FBP2: variants seen among roughly 807,000 people sequenced by gnomAD.
The protein encoded by FBP2 is fructose-1,6-bisphosphatase isozyme 2.
Under a neutral mutation model 31.6 loss-of-function variants are expected in FBP2, and 27 were observed. The observed-to-expected ratio is 0.85, with a 90% CI of 0.63 to 1.18. FBP2 has a LOEUF of 1.18. FBP2 is among the 50% of genes most tolerant of loss of function. The pLI is 0.00. For synonymous variants in FBP2, 168 were observed against 179.8 expected (o/e 0.93, Z 0.53); for missense variants, 421 against 436.1 (o/e 0.97, Z 0.31).
rs1168565864 is a variant in FBP2 at position 94,588,010 on chromosome 9, G to A, written c.171-541C>T. Among the ~76,000 whole-genome samples, 17 of 152,066 alleles carry A rather than the reference G, an allele frequency of 1.1e-4. No individual in the cohort carries two copies. In the East Asian group the frequency reaches 3.1e-3, roughly 28 times the overall value. ...ACTACAGGCGCCCGCCACCACGCCC[G>A]GCTAATTTTTTTCTGTATTTTTAGT... On this transcript the variant is annotated intron_variant, in intron 1 of 6. Transcript: ENST00000375337.
chr9:94,578,415 T>G (rs1478124950), intron 3 of FBP2, among the ~76,000 whole-genome samples: 1 of 152,170 alleles, frequency 6.6e-6, no homozygotes, highest in African/African-American at 2.4e-5. Context: ...CTAGATAAAC[T>G]TAAAGATTAA....
At chr9:94,581,302 CAG>C (rs1827370392) in intron 3 of FBP2, among the ~76,000 whole-genome samples, 1 of 152,170 alleles carries the variant, frequency 6.6e-6, no homozygotes, top group African/African-American at 2.4e-5. Flanking sequence ...AGGACGGACA[CAG>C]AGAGGCTTCA....
intron 6 of FBP2, among the ~76,000 whole-genome samples, 189 bp downstream of exon 6, chr9:94,563,153 C>T (rs545147202): frequency 4.6e-5 from 7 of 152,286 alleles, no homozygotes; most frequent in African/African-American, 1.2e-4. Context: ...GTCAGCCTGT[C>T]GCCTTCTTCT....
Position 94,573,093 on chromosome 9 carries a change from A to G in FBP2, c.427-1491T>C, listed in dbSNP as rs1031172580. ...TCCTTGCCTTATTGTGCTGGCTACA[A>G]CTTTCAGGATTACATATGTTGGGTA... is the stretch of plus-strand genomic sequence containing the variant. On this transcript the variant is annotated intron_variant, in intron 3 of 6. Coordinates refer to ENST00000375337, the MANE Select transcript of FBP2 (RefSeq NM_003837.4). 4.6e-5 allele frequency: 7 copies of G among 152,138 alleles called. No individual in the cohort carries two copies. In the East Asian group the frequency reaches 1.3e-3, roughly 29 times the overall value. 9.4% of individuals were successfully genotyped at this position (152,138 alleles called of 1,614,324 possible).
In FBP2 at chr9:94,571,480, G is replaced by T; in HGVS notation, c.549C>A (p.Asp183Glu). The T allele has an allele frequency of 1.2e-6, 2 of 1,613,118 alleles. No individual in the cohort carries two copies. The highest frequency in any genetic ancestry group is 1.3e-5 in the African/African-American group (1 of 75,048). ...TACCTACCGGGTCAAGCATGAAGAG[G>T]TCCACGCCTTGCCCTGTGGAGAGAG... ...LVALSTGQGV[D>E]LFMLDPALGE... The change falls in exon 4 of 7, where the codon GAC (aspartate) becomes GAA (glutamate). Residue 183 changes from aspartate to glutamate, a missense_variant. Asp to Glu is a conservative substitution (Grantham distance 45, BLOSUM62 2). Coordinates refer to ENST00000375337, the MANE Select transcript of FBP2 (RefSeq NM_003837.4).
At chr9:94,585,392 C>T (rs1014721533) in intron 2 of FBP2, among the ~76,000 whole-genome samples, 2 of 152,068 alleles carry the variant, frequency 1.3e-5, no homozygotes, top group African/African-American at 4.8e-5. Flanking sequence ...GGGGGGTCAG[C>T]GATCCCGGCA....
At chr9:94,568,163 TTA>T (rs1277796884) in intron 4 of FBP2, 2 of 152,084 alleles carry the variant, frequency 1.3e-5, no homozygotes, top group African/African-American at 4.8e-5. Flanking sequence ...GTTATTTTGT[TTA>T]TGTTAGTGAT....
rs770271718 is a variant in FBP2 at position 94,593,721 on chromosome 9, C to T, written c.6G>A (p.Thr2=). The part of the protein sequence containing the change: M[T]DRSPFETDML... ...TGTCGGTTTCGAAGGGGCTTCTGTC[C>T]GTCATTTTGGCTGGAATGCTTCAAA... The change falls in exon 1 of 7, where the codon ACG becomes ACA. Residue 2 remains threonine, a synonymous_variant. Transcript: ENST00000375337. The T allele has an allele frequency of 1.4e-5, 23 of 1,614,024 alleles. No homozygotes were observed. The highest frequency in any genetic ancestry group is 9.9e-5 in the South Asian group (9 of 91,036).
At chr9:94,568,627 A>G (rs1827227898) in intron 4 of FBP2, 1 of 152,240 alleles carries the variant, frequency 6.6e-6, no homozygotes, top group Admixed American at 6.5e-5. Context: ...GAATATAAAG[A>G]GGCAAGGCCA....
At chr9:94,559,864 C>T (rs1827068586) in intron 6 of FBP2, among the ~76,000 whole-genome samples, 1 of 152,016 alleles carries the variant, frequency 6.6e-6, no homozygotes, top group East Asian at 1.9e-4. Flanking sequence ...GTGTTGGCTC[C>T]GGCCTGTAAT....
chr9:94,591,614 G>T (rs539539237), intron 1 of FBP2, among the ~76,000 whole-genome samples: 4 of 152,244 alleles, frequency 2.6e-5, no homozygotes, highest in South Asian at 4.1e-4. Context: ...GGGCTGAAAG[G>T]CTCCTCAAAT....
At chr9:94,563,494 G>A in intron 5 of FBP2, 33 bp from the exon 6 acceptor site, 1 of 1,603,796 alleles carries the variant, frequency 6.2e-7, no homozygotes, top group Non-Finnish European at 8.5e-7. Context: ...ACAAGATCCA[G>A]TGGCTTTCAG....
chr9:94,578,715 A>T (rs1201895127), intron 3 of FBP2, among the ~76,000 whole-genome samples: 1 of 152,174 alleles, frequency 6.6e-6, no homozygotes, highest in African/African-American at 2.4e-5. Context: ...AGAAATAAAA[A>T]TTCTAATGAC....
chr9:94,592,068 T>G (rs1256285960), intron 1 of FBP2, among the ~76,000 whole-genome samples: 1 of 152,114 alleles, frequency 6.6e-6, no homozygotes, highest in Non-Finnish European at 1.5e-5. Context: ...GCATTGAGGA[T>G]AGCAGGGTCC....
rs1827141993 is a variant in FBP2 at position 94,563,576 on chromosome 9, C to T, written c.706-115G>A. ...TCTGCCTTCTTGAATCCCTATCCTC[C>T]ACCCACTAGTGTAGGAATTGAAAAG... On this transcript the variant is annotated intron_variant, in intron 5 of 6. Coordinates refer to ENST00000375337, the MANE Select transcript of FBP2 (RefSeq NM_003837.4). The T allele has an allele frequency of 8.9e-6, 10 of 1,119,980 alleles. No homozygotes were observed. In the South Asian group the frequency reaches 1.2e-4, roughly 13 times the overall value. The allele number at this position is 1,119,980 out of a possible 1,614,324, so 69.4% of individuals were successfully genotyped here.
At chr9:94,562,609 G>A (rs543518383) in intron 6 of FBP2, among the ~76,000 whole-genome samples, 21 of 152,118 alleles carry the variant, frequency 1.4e-4, no homozygotes, top group Non-Finnish European at 4.4e-5. Flanking sequence ...AAAATGTGTC[G>A]CTGGTTGTTG....
chr9:94,566,043 T>A (rs1827184759), intron 5 of FBP2, among the ~76,000 whole-genome samples: 2 of 152,256 alleles, frequency 1.3e-5, no homozygotes, highest in African/African-American at 4.8e-5. Flanking sequence ...AGAGTTCTTC[T>A]CCACCACATG....
chr9:94,563,210 A>G, intron 6 of FBP2, 132 bp downstream of exon 6: 1 of 1,034,740 alleles, frequency 9.7e-7, no homozygotes, highest in Non-Finnish European at 1.4e-6. Flanking sequence ...AACAGAGTTC[A>G]TTTTTCCTCC....
chr9:94,589,113 G>A lies in FBP2; in HGVS notation c.171-1644C>T, dbSNP rs1245821096. On this transcript the variant is annotated intron_variant, in intron 1 of 6. Transcript: ENST00000375337. Reference sequence around the variant, plus strand: ...ACCATCTAGGTCCTGTTTATTGTCTGTGAGCTTCCACAATGGCAGGATTTT... The same window carrying A: ...ACCATCTAGGTCCTGTTTATTGTCTATGAGCTTCCACAATGGCAGGATTTT... 4.0e-5 allele frequency among the ~76,000 whole-genome samples: 6 copies of A among 151,662 alleles called. No homozygotes were observed. The South Asian group carries it at 1.0e-3, about 26-fold the overall frequency.
Sources: allele counts gnomAD v4.1 joint callset (sites outside exome capture counted in the v4.1 genomes callset), GRCh38; gene constraint gnomAD v4.1.1; transcripts MANE v1.5; gene names NCBI Gene and HGNC (gene_info 2026-07-23, HGNC 2026-07-21).